Variants in MFSD1 observed in about 807,000 individuals in gnomAD.
MFSD1 encodes the protein lysosomal dipeptide transporter MFSD1.
A neutral mutation model predicts 67.1 loss-of-function variants in MFSD1; 59 were observed. That is an observed-to-expected ratio of 0.88 (90% CI 0.71 to 1.09). The LOEUF (loss-of-function observed/expected upper bound fraction) is 1.09. Among genes scored for constraint, MFSD1 ranks in the 50% least tolerant of loss-of-function variants. MFSD1 has a pLI of 0.00. For synonymous variants in MFSD1, 213 were observed against 200.3 expected (o/e 1.06, Z -0.54); for missense variants, 552 against 566.1 (o/e 0.97, Z 0.25).
intron 7 of MFSD1, among the ~76,000 whole-genome samples, chr3:158,817,525 A>G (rs917180088): frequency 1.3e-5 from 2 of 152,222 alleles, no homozygotes; most frequent in Non-Finnish European, 2.9e-5. Flanking sequence ...TAAAATACTT[A>G]GGAATCCAAC....
chr3:158,820,358 G>A (rs374302947), intron 9 of MFSD1, 32 bp downstream of exon 9: 38 of 1,421,436 alleles, frequency 2.7e-5, no homozygotes, highest in South Asian at 5.8e-5. Context: ...ATTATTTCTT[G>A]TCTAAATTAT....
chr3:158,805,369 A>G lies in MFSD1; in HGVS notation c.224A>G (p.Gln75Arg). 6.2e-7 allele frequency: 1 copy of G among 1,612,888 alleles called. No homozygotes were observed. Among genetic ancestry groups the G allele is most frequent in the Non-Finnish European group, 8.5e-7 (1 of 1,178,828 alleles). Residue 75 changes from glutamine to arginine, a missense_variant, in exon 3 of 16, where the codon CAA (glutamine) becomes CGA (arginine). Coordinates refer to ENST00000415822, the MANE Select transcript of MFSD1 (RefSeq NM_022736.4). ...ALQTQVKRDMQVNTTKFMLLY... is the reference protein window; with the variant it reads ...ALQTQVKRDMRVNTTKFMLLY... ...TATTTTCTTTTCATATAGGATATGC[A>G]AGTGAATACCACGAAATTCATGCTG...
In MFSD1 at chr3:158,817,137, A is replaced by G. The variant is rs1167158697; in HGVS notation, c.653-2512A>G. On this transcript the variant is annotated intron_variant, in intron 7 of 15. Transcript: ENST00000415822. Reference sequence around the variant, plus strand: ...GCTATCTATAGCAAACCCACAGCCAATATCATACTGAATGGGCAAAAACTG... The same window carrying G: ...GCTATCTATAGCAAACCCACAGCCAGTATCATACTGAATGGGCAAAAACTG... Among the ~76,000 whole-genome samples the G allele has an allele frequency of 3.9e-5, 6 of 152,072 alleles. No individual in the cohort carries two copies. In the East Asian group the frequency reaches 9.6e-4, roughly 24 times the overall value.
intron 15 of MFSD1, among the ~76,000 whole-genome samples, chr3:158,828,594 A>T (rs1270884747): frequency 6.6e-6 from 1 of 152,138 alleles, no homozygotes; most frequent in Non-Finnish European, 1.5e-5. Flanking sequence ...AATGTCATAG[A>T]TGCTTAACAT....
chr3:158,808,915 G>A lies in MFSD1; in HGVS notation c.441-264G>A, dbSNP rs918080251. The A allele has an allele frequency of 8.4e-6, 3 of 355,572 alleles. 1 individual carries two copies. The highest frequency in any genetic ancestry group is 7.1e-5 in the South Asian group (1 of 14,126). The allele number at this position is 355,572 out of a possible 1,614,324, so 22.0% of individuals were successfully genotyped here. A position where few individuals can be genotyped will look rare whatever the true frequency, so the allele number is the denominator to read the frequency against. ...TGGTTTGCTGTCTCATAGCATGGGG[G>A]TAGTGGTTCAGGGCTCCAAGTGCGA... On this transcript the variant is annotated intron_variant, in intron 5 of 15. Transcript: ENST00000415822.
intron 5 of MFSD1, 32 bp downstream of exon 5, chr3:158,807,495 G>A (rs368115102): frequency 2.3e-4 from 340 of 1,508,844 alleles, no homozygotes; most frequent in Non-Finnish European, 2.9e-4. Flanking sequence ...TTATCCTAAT[G>A]TATTATTGTT....
chr3:158,804,109 C>T, intron 1 of MFSD1: 1 of 415,190 alleles, frequency 2.4e-6, no homozygotes, highest in Non-Finnish European at 4.3e-6. Flanking sequence ...ATTCAGGTTC[C>T]CAGTATTTGC....
chr3:158,815,654 T>A (rs1014879592), intron 7 of MFSD1, among the ~76,000 whole-genome samples: 4 of 151,946 alleles, frequency 2.6e-5, no homozygotes, highest in Non-Finnish European at 5.9e-5. Flanking sequence ...TTTCTTTTTT[T>A]AAATTATTAT....
At chr3:158,824,477 G>A in intron 13 of MFSD1, 2 of 416,872 alleles carry the variant, frequency 4.8e-6, no homozygotes, top group South Asian at 3.1e-5. Flanking sequence ...AAAAAAAAAA[G>A]CATTTTCCCA....
At chr3:158,821,174 G>A (rs943790280) in intron 9 of MFSD1, among the ~76,000 whole-genome samples, 1 of 152,088 alleles carries the variant, frequency 6.6e-6, no homozygotes, top group Non-Finnish European at 1.5e-5. Context: ...CTTAAGCAGC[G>A]CAATGTAAGT....
chr3:158,814,077 TC>T lies in MFSD1; in HGVS notation c.652+13del. 6.3e-7 allele frequency: 1 copy of T among 1,595,090 alleles called. No homozygotes were observed. Among genetic ancestry groups the T allele is most frequent in the Non-Finnish European group, 8.6e-7 (1 of 1,163,182 alleles). On this transcript the variant is annotated intron_variant, in intron 7 of 15. Transcript: ENST00000415822. ...ATCACACTTATGATTGGTGAGTGAATCCCATGTCCCACATCTCTCCTCTTCT... is the reference window on the plus strand; with the variant it reads ...ATCACACTTATGATTGGTGAGTGAATCCATGTCCCACATCTCTCCTCTTCT...
intron 10 of MFSD1, 140 bp downstream of exon 10, chr3:158,821,793 C>A: frequency 1.1e-6 from 1 of 944,994 alleles, no homozygotes; most frequent in Non-Finnish European, 1.6e-6. Context: ...GGACTTGAAT[C>A]CTGAGTGGCT....
intron 14 of MFSD1, 130 bp from the exon 15 acceptor site, chr3:158,827,150 C>T (rs139936059): frequency 3.1e-4 from 173 of 550,764 alleles, no homozygotes; most frequent in African/African-American, 3.0e-3. Flanking sequence ...ACTTTTTCAT[C>T]GTCGATAGCT....
chr3:158,821,959 A>G, intron 10 of MFSD1, 25 bp from the exon 11 acceptor site: 2 of 1,593,572 alleles, frequency 1.3e-6, no homozygotes, highest in Non-Finnish European at 1.7e-6. Flanking sequence ...CATTTCATGA[A>G]ATGTCTTATG....
At position 158,821,583 on chromosome 3, in the gene MFSD1, CT is replaced by C; in HGVS notation, c.864-9del. 2 of 1,584,372 alleles carry C rather than the reference CT, an allele frequency of 1.3e-6. No homozygotes were observed. Among genetic ancestry groups the C allele is most frequent in the Middle Eastern group, 1.8e-4 (1 of 5,434 alleles). ...CTCTCTAATGTGCTAATTTCTCTGT[CT>C]TTTTAATTTTAGAGTTTTCTTTACA... On this transcript the variant is annotated splice_polypyrimidine_tract_variant and intron_variant, in intron 9 of 15. Transcript: ENST00000415822.
At chr3:158,816,153 C>G (rs1474211172) in intron 7 of MFSD1, among the ~76,000 whole-genome samples, 2 of 151,902 alleles carry the variant, frequency 1.3e-5, no homozygotes, top group Non-Finnish European at 2.9e-5. Context: ...ATTTATAGTC[C>G]TTTGGGTATA....
chr3:158,807,134 T>C (rs769755277), intron 4 of MFSD1, 52 bp downstream of exon 4: 1 of 1,502,328 alleles, frequency 6.7e-7, no homozygotes, highest in East Asian at 2.3e-5. Flanking sequence ...TCTAAATTCT[T>C]ATCTAATTAA....
Position 158,822,003 on chromosome 3 carries a change from G to T in MFSD1, c.940G>T (p.Ala314Ser), listed in dbSNP as rs1489967370. 1.9e-6 allele frequency: 3 copies of T among 1,613,604 alleles called. No homozygotes were observed. The highest frequency in any genetic ancestry group is 1.7e-6 in the Non-Finnish European group (2 of 1,179,748). The change falls in exon 11 of 16, where the codon GCT (alanine) becomes TCT (serine). Residue 314 changes from alanine (A) to serine (S), a missense_variant. Physicochemically the swap from Ala to Ser is moderately conservative, Grantham distance 99 (BLOSUM62 1). Transcript: ENST00000415822. Reference sequence around the variant, plus strand: ...GGGCAGTGTTGTATATGTCATATCAGCTCCCATGTCCCCGGTGTTTGGGCT... The same window carrying T: ...GGGCAGTGTTGTATATGTCATATCATCTCCCATGTCCCCGGTGTTTGGGCT... ...AINSVVYVIS[A>S]PMSPVFGLLV...
At position 158,819,497 on chromosome 3, in the gene MFSD1, C is replaced by T. The variant is rs960732120; in HGVS notation, c.653-152C>T. 3.9e-5 allele frequency: 19 copies of T among 489,454 alleles called. No homozygotes were observed. In the East Asian group the frequency reaches 4.6e-4, roughly 12 times the overall value. 30.3% of individuals were successfully genotyped at this position (489,454 alleles called of 1,614,324 possible). A position where few individuals can be genotyped will look rare whatever the true frequency, so the allele number is the denominator to read the frequency against. ...TGAATGTACTCTTCCTCTTTTGTCC[C>T]GATTTAGTAATTGCAGATTTTTCTC... On this transcript the variant is annotated intron_variant, in intron 7 of 15. Transcript: ENST00000415822.
Sources: gnomAD v4.1 joint callset for allele counts (sites outside exome capture counted in the v4.1 genomes callset) on GRCh38, gnomAD v4.1.1 for gene constraint, MANE v1.5 for transcripts, NCBI Gene and HGNC (gene_info 2026-07-23, HGNC 2026-07-21) for gene names.